Variants in STK10 observed in about 807,000 individuals in gnomAD.
STK10 encodes the protein serine/threonine-protein kinase 10.
Under a neutral mutation model 113.8 loss-of-function variants are expected in STK10, and 78 were observed. That is an observed-to-expected ratio of 0.69 (90% CI 0.57 to 0.83). The LOEUF (loss-of-function observed/expected upper bound fraction) is 0.83, where lower values mean the gene tolerates loss of function less well. Ranked by LOEUF, STK10 falls within the 40% of genes least tolerant of loss-of-function variation. The probability of loss-of-function intolerance (pLI) is 0.00; values close to 1 mark genes in which losing one functional copy is unlikely to be tolerated. For synonymous variants in STK10, 465 were observed against 494.7 expected, an observed-to-expected ratio of 0.94 and a Z score of 0.80; for missense variants, 1,109 against 1,280.1, an observed-to-expected ratio of 0.87 and a Z score of 2.04.
intron 18 of STK10, among the ~76,000 whole-genome samples, chr5:172,052,126 G>A (rs1434723447): frequency 6.6e-6 from 1 of 152,202 alleles, no homozygotes; most frequent in African/African-American, 2.4e-5. Context: ...TTAATCACAT[G>A]AGCACAAAAG....
intron 1 of STK10, among the ~76,000 whole-genome samples, chr5:172,164,183 G>T (rs555206712): frequency 1.4e-5 from 2 of 140,486 alleles, no homozygotes; most frequent in East Asian, 4.3e-4. Context: ...TTGCACTCCA[G>T]CCCGGGCAAC....
chr5:172,072,997 T>G (rs1026528046), intron 12 of STK10, among the ~76,000 whole-genome samples: 2 of 152,200 alleles, frequency 1.3e-5, no homozygotes, highest in African/African-American at 4.8e-5. Flanking sequence ...TTTTCCAAGT[T>G]GGGTTTTACT....
chr5:172,162,450 TCACACA>T (rs1220747529), intron 1 of STK10, among the ~76,000 whole-genome samples: 1 of 150,822 alleles, frequency 6.6e-6, no homozygotes, highest in Non-Finnish European at 1.5e-5. Context: ...TCTCTCTCTC[TCACACA>T]CACACACACA....
intron 1 of STK10, among the ~76,000 whole-genome samples, chr5:172,180,141 A>G (rs973984844): frequency 1.3e-5 from 2 of 152,228 alleles, no homozygotes; most frequent in Non-Finnish European, 1.5e-5. Context: ...TCAAATAGGC[A>G]TATGCTTTGA....
At chr5:172,139,900 C>CAAAAAAAAAAAAA (rs34385866) in intron 2 of STK10, among the ~76,000 whole-genome samples, 1 of 92,376 alleles carries the variant, frequency 1.1e-5, no homozygotes, top group Non-Finnish European at 2.2e-5. Context: ...AAAGCACAGC[C>CAAAAAAAAAAAAA]AAAAAAAAAA....
intron 1 of STK10, among the ~76,000 whole-genome samples, chr5:172,184,137 C>T (rs1002425836): frequency 9.9e-5 from 15 of 152,112 alleles, no homozygotes; most frequent in Non-Finnish European, 1.8e-4. Context: ...TCTCAGGTGC[C>T]GTGTCAAAAT....
chr5:172,102,574 GAGA>G (rs1388639853), intron 7 of STK10, among the ~76,000 whole-genome samples: 2 of 152,118 alleles, frequency 1.3e-5, no homozygotes, highest in Admixed American at 1.3e-4. Context: ...AAAGGCAACG[GAGA>G]AGGAGAGGCT....
At chr5:172,053,803 T>C (rs1231848034) in intron 17 of STK10, among the ~76,000 whole-genome samples, 1 of 152,218 alleles carries the variant, frequency 6.6e-6, no homozygotes, top group African/African-American at 2.4e-5. Context: ...GAGTGAGAAG[T>C]AATACTCGCA....
chr5:172,182,308 G>GA (rs567194724), intron 1 of STK10, among the ~76,000 whole-genome samples: 20,713 of 91,788 alleles, frequency 0.23, 2,074 homozygotes, highest in East Asian at 0.33. Flanking sequence ...GTCTCAGAGG[G>GA]AAAAAAAAAA....
chr5:172,081,826 GCCTCTCTCCAGAGCAGCTCGAGAGAT>G (rs1232051013), intron 12 of STK10, among the ~76,000 whole-genome samples: 4 of 152,186 alleles, frequency 2.6e-5, no homozygotes, highest in Non-Finnish European at 4.4e-5. Flanking sequence ...ACACTCAGAT[GCCTCTCTCCAGAGCAGCTCGAGAGAT>G]GTGCCTCAGG....
At chr5:172,184,738 G>A (rs1770921251) in intron 1 of STK10, among the ~76,000 whole-genome samples, 1 of 152,056 alleles carries the variant, frequency 6.6e-6, no homozygotes, top group African/African-American at 2.4e-5. Flanking sequence ...AGCAACCTCC[G>A]CCTCACGGGT....
In STK10 at chr5:172,077,184, A is replaced by T. The variant is rs552798479; in HGVS notation, c.1989+5142T>A. On this transcript the variant is annotated intron_variant, in intron 12 of 18. Coordinates refer to ENST00000176763, the MANE Select transcript of STK10 (RefSeq NM_005990.4). ...TAGTCCAGCTACGTGTCTTCAGAAA[A>T]GTTACTGAACTCGTTCGAGTTCCTC... Among the ~76,000 whole-genome samples, 5 of 152,348 alleles carry T rather than the reference A, an allele frequency of 3.3e-5. No homozygotes were observed. In the East Asian group the frequency reaches 5.8e-4, roughly 18 times the overall value.
chr5:172,079,595 CTT>C (rs1330632852), intron 12 of STK10, among the ~76,000 whole-genome samples: 7 of 150,288 alleles, frequency 4.7e-5, no homozygotes, highest in Non-Finnish European at 8.9e-5. Flanking sequence ...GAGTTTTGCT[CTT>C]GTTGCCCAGG....
intron 2 of STK10, among the ~76,000 whole-genome samples, chr5:172,132,548 C>A (rs563228385): frequency 2.0e-5 from 3 of 152,024 alleles, no homozygotes; most frequent in Non-Finnish European, 4.4e-5. Context: ...GGCCTCTAAG[C>A]CCTGATCAAG....
chr5:172,090,095 A>G, intron 10 of STK10, 137 bp downstream of exon 10: 1 of 1,304,780 alleles, frequency 7.7e-7, no homozygotes, highest in Non-Finnish European at 1.0e-6. Context: ...TCGCAGGCAA[A>G]ATGAGTTTCC....
At chr5:172,114,848 G>A (rs1013848446) in intron 4 of STK10, 1 of 151,948 alleles carries the variant, frequency 6.6e-6, no homozygotes, top group Non-Finnish European at 1.5e-5. Context: ...TAAGGGCTTC[G>A]TCTTCCGGTT....
chr5:172,138,350 T>C (rs1769911440), intron 2 of STK10, among the ~76,000 whole-genome samples: 2 of 152,224 alleles, frequency 1.3e-5, no homozygotes, highest in Non-Finnish European at 2.9e-5. Context: ...TCTTGAATTC[T>C]TGACCTTGTG....
chr5:172,068,967 C>A (rs1294643334), intron 12 of STK10, among the ~76,000 whole-genome samples: 1 of 151,406 alleles, frequency 6.6e-6, no homozygotes, highest in Non-Finnish European at 1.5e-5. Context: ...TGTAAAGGTA[C>A]ATTTTACTTA....
chr5:172,053,968 C>T (rs1401963396), intron 17 of STK10, among the ~76,000 whole-genome samples: 1 of 152,244 alleles, frequency 6.6e-6, no homozygotes, highest in African/African-American at 2.4e-5. Context: ...CAGTGGTAAT[C>T]AGCAGAGCCG....
Sources: allele counts gnomAD v4.1 joint callset (sites outside exome capture counted in the v4.1 genomes callset), GRCh38; gene constraint gnomAD v4.1.1; transcripts MANE v1.5; gene names NCBI Gene and HGNC (gene_info 2026-07-23, HGNC 2026-07-21).